Variants in ZDHHC14 observed in about 807,000 individuals in gnomAD.
The protein encoded by ZDHHC14 is zDHHC palmitoyltransferase 14.
In ZDHHC14, 16 loss-of-function variants were observed where a neutral mutation model predicts 47.7. The ratio of observed to expected loss-of-function variants is 0.34; its 90% confidence interval spans 0.23 to 0.51. ZDHHC14 has a LOEUF of 0.51. ZDHHC14 is among the 20% of genes least tolerant of loss of function. The pLI is 0.97. For synonymous variants in ZDHHC14, 293 were observed against 278.9 expected, an observed-to-expected ratio of 1.05 and a Z score of -0.50; for missense variants, 515 against 662.5, an observed-to-expected ratio of 0.78 and a Z score of 2.44.
chr6:157,507,613 A>G (rs971721113), intron 1 of ZDHHC14, among the ~76,000 whole-genome samples: 1 of 152,122 alleles, frequency 6.6e-6, no homozygotes, highest in African/African-American at 2.4e-5. Flanking sequence ...GGACTTTTCC[A>G]CATCTTCCAA....
chr6:157,583,448 T>C (rs1783583525), intron 2 of ZDHHC14, among the ~76,000 whole-genome samples: 1 of 152,176 alleles, frequency 6.6e-6, no homozygotes, highest in Non-Finnish European at 1.5e-5. Context: ...TATAGTTAAT[T>C]ATTGTCCTTG....
intron 3 of ZDHHC14, among the ~76,000 whole-genome samples, chr6:157,604,614 C>T (rs1283634728): frequency 7.3e-6 from 1 of 136,128 alleles, no homozygotes; most frequent in Admixed American, 7.0e-5. Flanking sequence ...GTGGCACGAT[C>T]TCGGCTGCAA....
At chr6:157,578,153 A>G (rs1783378260) in intron 2 of ZDHHC14, among the ~76,000 whole-genome samples, 1 of 151,960 alleles carries the variant, frequency 6.6e-6, no homozygotes, top group Non-Finnish European at 1.5e-5. Context: ...TTGTCTGTTT[A>G]GTCTGTTGAT....
intron 1 of ZDHHC14, among the ~76,000 whole-genome samples, chr6:157,397,755 G>T (rs1183412893): frequency 6.6e-6 from 1 of 152,192 alleles, no homozygotes; most frequent in Non-Finnish European, 1.5e-5. Flanking sequence ...ATTGTTCCCT[G>T]TATGAAGCTG....
chr6:157,566,254 G>T (rs746725734), intron 2 of ZDHHC14, among the ~76,000 whole-genome samples: 1 of 151,890 alleles, frequency 6.6e-6, no homozygotes, highest in African/African-American at 2.4e-5. Context: ...AAAAAAACCC[G>T]AATTCCTGAA....
intron 1 of ZDHHC14, among the ~76,000 whole-genome samples, chr6:157,526,650 C>G (rs1047084045): frequency 7.2e-5 from 11 of 152,208 alleles, no homozygotes; most frequent in Non-Finnish European, 1.3e-4. Context: ...CTTGCCCACC[C>G]TCAAGCTCGT....
intron 2 of ZDHHC14, among the ~76,000 whole-genome samples, chr6:157,566,588 A>T (rs1011269562): frequency 1.3e-5 from 2 of 152,162 alleles, no homozygotes; most frequent in African/African-American, 4.8e-5. Context: ...GTAGGTCCGA[A>T]TGACACTCTG....
chr6:157,638,992 C>G (rs1777115005), intron 5 of ZDHHC14, among the ~76,000 whole-genome samples: 1 of 152,242 alleles, frequency 6.6e-6, no homozygotes, highest in African/African-American at 2.4e-5. Flanking sequence ...AGGGCCATGC[C>G]TGGCATCCTG....
chr6:157,529,699 G>A (rs995032358), intron 1 of ZDHHC14, among the ~76,000 whole-genome samples: 1 of 152,208 alleles, frequency 6.6e-6, no homozygotes, highest in Non-Finnish European at 1.5e-5. Context: ...TACATTTAAT[G>A]AGGATCATTG....
intron 1 of ZDHHC14, among the ~76,000 whole-genome samples, chr6:157,489,286 T>C (rs74656059): frequency 6.6e-6 from 1 of 152,012 alleles, no homozygotes; most frequent in South Asian, 2.1e-4. Context: ...ACCCGATACA[T>C]AGAACAAACT....
At chr6:157,411,040 T>G (rs1188630517) in intron 1 of ZDHHC14, among the ~76,000 whole-genome samples, 1 of 152,206 alleles carries the variant, frequency 6.6e-6, no homozygotes, top group Non-Finnish European at 1.5e-5. Flanking sequence ...CTGGAGGAGA[T>G]GGTCCAGGCC....
chr6:157,457,809 C>A (rs781207246), intron 1 of ZDHHC14, among the ~76,000 whole-genome samples: 1 of 152,194 alleles, frequency 6.6e-6, no homozygotes, highest in East Asian at 1.9e-4. Flanking sequence ...CTACCACTTG[C>A]GCCCTCAACC....
chr6:157,658,766 G>A (rs1454877833), intron 8 of ZDHHC14, among the ~76,000 whole-genome samples: 1 of 152,202 alleles, frequency 6.6e-6, no homozygotes, highest in Non-Finnish European at 1.5e-5. Flanking sequence ...GGAATTGTCT[G>A]TAGTTTTATT....
Position 157,616,414 on chromosome 6 carries a change from G to A in ZDHHC14, c.566-11935G>A, listed in dbSNP as rs539812069. Among the ~76,000 whole-genome samples, 48 of 152,288 alleles carry A rather than the reference G, an allele frequency of 3.2e-4. No homozygotes were observed. The South Asian group carries it at 8.7e-3, about 28-fold the overall frequency. ...TTGATGACCAGAGCTTGGGACCTGC[G>A]GAAGGGGAGGGCCCGTGGGACAATT... On this transcript the variant is annotated intron_variant, in intron 3 of 8. Transcript: ENST00000359775.
chr6:157,518,926 G>A (rs1162686086), intron 1 of ZDHHC14, among the ~76,000 whole-genome samples: 6 of 152,300 alleles, frequency 3.9e-5, no homozygotes, highest in Non-Finnish European at 7.4e-5. Context: ...CAAGCCATAC[G>A]GCGGCCAGCC....
At chr6:157,447,114 T>G (rs1778690416) in intron 1 of ZDHHC14, among the ~76,000 whole-genome samples, 1 of 151,170 alleles carries the variant, frequency 6.6e-6, no homozygotes, top group Non-Finnish European at 1.5e-5. Flanking sequence ...TGAGATTCCA[T>G]ATCAAAAAAG....
intron 5 of ZDHHC14, among the ~76,000 whole-genome samples, chr6:157,639,258 A>C (rs943443645): frequency 6.6e-6 from 1 of 152,208 alleles, no homozygotes; most frequent in African/African-American, 2.4e-5. Flanking sequence ...CAGGTAAATG[A>C]CATCATCAGT....
chr6:157,447,961 T>A (rs1220337689), intron 1 of ZDHHC14, among the ~76,000 whole-genome samples: 1 of 152,136 alleles, frequency 6.6e-6, no homozygotes, highest in Non-Finnish European at 1.5e-5. Context: ...AGCCTCAAAC[T>A]CCTAGGCTCA....
chr6:157,459,330 C>T lies in ZDHHC14; in HGVS notation c.245+77064C>T, dbSNP rs145655065. ...TGATGATGGCAGCAAGACTTAGAAA[C>T]AAAATAAGAGATCCCCTTCTTCACC... On this transcript the variant is annotated intron_variant, in intron 1 of 8. Transcript: ENST00000359775. Among the ~76,000 whole-genome samples the T allele has an allele frequency of 2.6e-5, 4 of 152,246 alleles. No homozygotes were observed. The East Asian group carries it at 7.7e-4, about 29-fold the overall frequency.
Sources: allele counts gnomAD v4.1 joint callset (sites outside exome capture counted in the v4.1 genomes callset), GRCh38; gene constraint gnomAD v4.1.1; transcripts MANE v1.5; gene names NCBI Gene and HGNC (gene_info 2026-07-23, HGNC 2026-07-21).